LRIG1: variants seen among roughly 807,000 people sequenced by gnomAD.
The protein encoded by LRIG1 is leucine rich repeats and immunoglobulin like domains 1.
LRIG1 carries 48 observed loss-of-function variants against 99.2 expected under a neutral mutation model. The observed-to-expected ratio is 0.48, with a 90% CI of 0.38 to 0.62. LRIG1 has a LOEUF of 0.62. LRIG1 is among the 20% of genes least tolerant of loss of function. LRIG1 has a pLI of 0.00. For missense variants in LRIG1, 1,646 were observed against 1,434.4 expected, an observed-to-expected ratio of 1.15 and a Z score of -2.38; for synonymous variants, 772 against 596.1, an observed-to-expected ratio of 1.29 and a Z score of -4.30.
intron 1 of LRIG1, among the ~76,000 whole-genome samples, chr3:66,470,813 G>C (rs947039158): frequency 1.3e-5 from 2 of 152,108 alleles, no homozygotes; most frequent in Non-Finnish European, 2.9e-5. Context: ...GGAGATTCTA[G>C]GATCTTTCCT....
chr3:66,425,941 T>C (rs1243336119), intron 3 of LRIG1, among the ~76,000 whole-genome samples: 5 of 152,236 alleles, frequency 3.3e-5, no homozygotes, highest in Admixed American at 6.5e-5. Context: ...GTGAAACAGA[T>C]GGAGGCATTT....
At chr3:66,499,770 G>A (rs1701311619) in intron 1 of LRIG1, among the ~76,000 whole-genome samples, 2 of 152,128 alleles carry the variant, frequency 1.3e-5, no homozygotes, top group South Asian at 4.1e-4. Context: ...GATTACAGGA[G>A]AGGAAAAGGA....
intron 3 of LRIG1, among the ~76,000 whole-genome samples, chr3:66,434,755 T>TAAAA (rs71616222): frequency 3.0e-5 from 3 of 100,270 alleles, no homozygotes; most frequent in Non-Finnish European, 4.7e-5. Flanking sequence ...TCAAAAAAAT[T>TAAAA]AAAAAAAAAA....
At chr3:66,401,707 G>A in intron 9 of LRIG1, 1 of 1,487,426 alleles carries the variant, frequency 6.7e-7, no homozygotes, top group Non-Finnish European at 9.0e-7. Context: ...GGAGAGGCGG[G>A]ATTATGGGCT....
intron 7 of LRIG1, 74 bp from the exon 8 acceptor site, chr3:66,407,565 CCA>C: frequency 1.9e-6 from 3 of 1,557,056 alleles, no homozygotes; most frequent in South Asian, 1.1e-5. Flanking sequence ...GGAAATTGGG[CCA>C]CAGTCAGCTG....
chr3:66,492,693 C>G (rs1701131500), intron 1 of LRIG1, among the ~76,000 whole-genome samples: 1 of 152,042 alleles, frequency 6.6e-6, no homozygotes, highest in Non-Finnish European at 1.5e-5. Flanking sequence ...ACAAACTGAA[C>G]AAGCAGTAAT....
At chr3:66,478,733 G>A (rs1700780980) in intron 1 of LRIG1, among the ~76,000 whole-genome samples, 1 of 152,042 alleles carries the variant, frequency 6.6e-6, no homozygotes, top group African/African-American at 2.4e-5. Context: ...CCACTGTACG[G>A]GTCAGCTTTT....
intron 9 of LRIG1, among the ~76,000 whole-genome samples, chr3:66,400,314 C>T (rs183920709): frequency 3.3e-5 from 5 of 152,338 alleles, no homozygotes; most frequent in African/African-American, 9.6e-5. Context: ...TTCCCCTCCC[C>T]GTTATCATGT....
intron 11 of LRIG1, 68 bp downstream of exon 11, chr3:66,398,044 T>C (rs745832994): frequency 3.9e-5 from 49 of 1,257,874 alleles, no homozygotes; most frequent in Non-Finnish European, 4.5e-5. Flanking sequence ...CATAATGCAA[T>C]TGCAGAAGTT....
chr3:66,398,592 C>G (rs1195302822), intron 10 of LRIG1, among the ~76,000 whole-genome samples: 1 of 152,224 alleles, frequency 6.6e-6, no homozygotes, highest in African/African-American at 2.4e-5. Context: ...AGCACCTACT[C>G]TGCATTGTTA....
chr3:66,476,441 T>G (rs1310939244), intron 1 of LRIG1, among the ~76,000 whole-genome samples: 2 of 152,128 alleles, frequency 1.3e-5, no homozygotes, highest in Non-Finnish European at 1.5e-5. Flanking sequence ...AAGAAATAAG[T>G]AGTCCATTAG....
At chr3:66,431,634 AC>A (rs1456564763) in intron 3 of LRIG1, among the ~76,000 whole-genome samples, 2 of 152,264 alleles carry the variant, frequency 1.3e-5, no homozygotes, top group Admixed American at 6.5e-5. Context: ...GGAGTCCAAG[AC>A]CAATGAGCTC....
chr3:66,405,816 G>C, intron 8 of LRIG1: 1 of 1,159,990 alleles, frequency 8.6e-7, no homozygotes. Flanking sequence ...CTGACTCTGA[G>C]CCAGGGAGGA....
At chr3:66,446,477 C>T (rs1054437786) in intron 3 of LRIG1, among the ~76,000 whole-genome samples, 4 of 147,894 alleles carry the variant, frequency 2.7e-5, no homozygotes, top group African/African-American at 7.5e-5. Flanking sequence ...GCGATCTTAG[C>T]TCACTGCAAC....
intron 3 of LRIG1, among the ~76,000 whole-genome samples, chr3:66,424,365 A>C (rs1702912646): frequency 6.6e-6 from 1 of 152,040 alleles, no homozygotes; most frequent in African/African-American, 2.4e-5. Flanking sequence ...CCCCCCATGA[A>C]GGTTAGAGTA....
At position 66,386,043 on chromosome 3, in the gene LRIG1, T is replaced by C. The variant is rs775141231; in HGVS notation, c.1727A>G (p.Gln576Arg). The C allele has an allele frequency of 1.9e-6, 3 of 1,614,152 alleles. No homozygotes were observed. Among genetic ancestry groups the C allele is most frequent in the East Asian group, 2.2e-5 (1 of 44,876 alleles). Residue 576 changes from glutamine (Q) to arginine (R), a missense_variant, in exon 13 of 19, where the codon CAA becomes CGA. Coordinates refer to ENST00000273261, the MANE Select transcript of LRIG1 (RefSeq NM_015541.3). Reference protein sequence around the residue: ...QVTFGHEGRYQCVITNHFGST... With the variant: ...QVTFGHEGRYRCVITNHFGST... ...GCCAAAGTGGTTGGTGATGACACAT[T>C]GGTAGCGGCCCTCGTGCCCGAAAGT...
chr3:66,447,822 T>C (rs1012827171), intron 3 of LRIG1, among the ~76,000 whole-genome samples: 4 of 152,154 alleles, frequency 2.6e-5, no homozygotes, highest in Admixed American at 2.6e-4. Context: ...TCAACAGAAA[T>C]GTCATTGATG....
In LRIG1 at chr3:66,404,185, C is replaced by T; in HGVS notation, c.1160+1013G>A. 1.1e-5 allele frequency: 14 copies of T among 1,237,472 alleles called. 1 individual carries two copies. Among genetic ancestry groups the T allele is most frequent in the South Asian group, 2.5e-5 (2 of 79,888 alleles). 76.7% of individuals were successfully genotyped at this position (1,237,472 alleles called of 1,614,324 possible). On this transcript the variant is annotated intron_variant, in intron 9 of 18. Coordinates refer to ENST00000273261, the MANE Select transcript of LRIG1 (RefSeq NM_015541.3). ...TATATAAAAGGTGCAAAAAGCCACG[C>T]TTTTCAAAACAAATCAGAAGCATCT...
At chr3:66,461,250 A>G (rs1189577889) in intron 2 of LRIG1, among the ~76,000 whole-genome samples, 2 of 152,208 alleles carry the variant, frequency 1.3e-5, no homozygotes, top group African/African-American at 2.4e-5. Flanking sequence ...GGTTACAGTG[A>G]GCTGAGATCA....
Sources: gnomAD v4.1 joint callset for allele counts (sites outside exome capture counted in the v4.1 genomes callset) on GRCh38, gnomAD v4.1.1 for gene constraint, MANE v1.5 for transcripts, NCBI Gene and HGNC (gene_info 2026-07-23, HGNC 2026-07-21) for gene names.